Variants in COLEC12 observed in about 807,000 individuals in gnomAD.
The protein encoded by COLEC12 is collectin subfamily member 12.
Under a neutral mutation model 71.1 loss-of-function variants are expected in COLEC12, and 33 were observed. The ratio of observed to expected loss-of-function variants is 0.46; its 90% CI spans 0.35 to 0.62. The LOEUF is 0.62. Among genes scored for constraint, COLEC12 ranks in the 20% least tolerant of loss-of-function variants. The probability of loss-of-function intolerance (pLI) is 0.00; values close to 1 mark genes in which losing one functional copy is unlikely to be tolerated. For synonymous variants in COLEC12, 350 were observed against 353.0 expected (o/e 0.99, Z 0.10); for missense variants, 765 against 916.1 (o/e 0.84, Z 2.13).
intron 5 of COLEC12, among the ~76,000 whole-genome samples, chr18:337,444 T>C (rs2143446941): frequency 6.6e-6 from 1 of 152,320 alleles, no homozygotes; most frequent in South Asian, 2.1e-4. Flanking sequence ...AGCAGAAGCT[T>C]AGGCTCTGGA....
rs924714723 is a variant in COLEC12 at position 442,002 on chromosome 18, TACACACACA to T, written c.58+38696_58+38704del. ...GTGACAGAGTGAGACTCTCTCTCTC[TACACACACA>T]CACACACACACACACACACACACAC... On this transcript the variant is annotated intron_variant, in intron 2 of 9. Coordinates refer to ENST00000400256, the MANE Select transcript of COLEC12 (RefSeq NM_130386.3). 9.1e-5 allele frequency among the ~76,000 whole-genome samples: 11 copies of T among 120,808 alleles called. No individual in the cohort carries two copies. In the South Asian group the frequency reaches 2.9e-3, roughly 32 times the overall value. The allele number at this position is 120,808 out of a possible 152,430, so 79.3% of individuals were successfully genotyped here. A position where few individuals can be genotyped will look rare whatever the true frequency, so the allele number is the denominator to read the frequency against.
chr18:450,803 G>A (rs1567911556), intron 2 of COLEC12, among the ~76,000 whole-genome samples: 1 of 152,226 alleles, frequency 6.6e-6, no homozygotes, highest in Non-Finnish European at 1.5e-5. Context: ...ACTTCCTATA[G>A]ACTTGTTAAA....
chr18:332,002 G>A (rs1017397854), intron 7 of COLEC12, among the ~76,000 whole-genome samples: 7 of 152,188 alleles, frequency 4.6e-5, no homozygotes, highest in African/African-American at 1.7e-4. Context: ...GGATGTTAAA[G>A]TGAGGCTCTT....
At chr18:412,196 G>T (rs1027443363) in intron 2 of COLEC12, among the ~76,000 whole-genome samples, 49 of 152,064 alleles carry the variant, frequency 3.2e-4, no homozygotes, top group African/African-American at 1.1e-3. Context: ...AAAGGACAAA[G>T]AAAACATTTT....
At chr18:420,671 G>GA (rs1256796559) in intron 2 of COLEC12, among the ~76,000 whole-genome samples, 5 of 152,176 alleles carry the variant, frequency 3.3e-5, no homozygotes, top group African/African-American at 1.2e-4. Flanking sequence ...CAAGAGAGGT[G>GA]ACTGAGAAAG....
intron 2 of COLEC12, among the ~76,000 whole-genome samples, chr18:374,605 T>A (rs1213760578): frequency 6.6e-6 from 1 of 152,160 alleles, no homozygotes; most frequent in Non-Finnish European, 1.5e-5. Flanking sequence ...TATCCTAATT[T>A]TTCCCACCAG....
chr18:405,610 T>G (rs1915769327), intron 2 of COLEC12, among the ~76,000 whole-genome samples: 1 of 152,190 alleles, frequency 6.6e-6, no homozygotes. Flanking sequence ...TGGGGCTGTA[T>G]AAGCTGAATG....
At chr18:456,541 C>T (rs924794577) in intron 2 of COLEC12, among the ~76,000 whole-genome samples, 2 of 152,310 alleles carry the variant, frequency 1.3e-5, no homozygotes, top group South Asian at 2.1e-4. Flanking sequence ...GCGTTACCGA[C>T]GATCTGTTCA....
chr18:413,680 C>A lies in COLEC12; in HGVS notation c.59-56158G>T, dbSNP rs529834959. Among the ~76,000 whole-genome samples the A allele has an allele frequency of 5.3e-5, 8 of 152,280 alleles. No homozygotes were observed. The South Asian group carries it at 1.0e-3, about 20-fold the overall frequency. Reference sequence around the variant, plus strand: ...CTCTATAAAAAATTTAAAAAAGCATCTGTACGTGAATGTTTACAGCAGTTT... The same window carrying A: ...CTCTATAAAAAATTTAAAAAAGCATATGTACGTGAATGTTTACAGCAGTTT... On this transcript the variant is annotated intron_variant, in intron 2 of 9. Transcript: ENST00000400256.
chr18:436,145 TCTGCTC>T (rs1424240499), intron 2 of COLEC12, among the ~76,000 whole-genome samples: 2 of 152,224 alleles, frequency 1.3e-5, no homozygotes, highest in Non-Finnish European at 2.9e-5. Context: ...TGATTAAAAT[TCTGCTC>T]ACATAGGCCC....
At chr18:446,315 CCCCT>C (rs1916649310) in intron 2 of COLEC12, among the ~76,000 whole-genome samples, 1 of 152,114 alleles carries the variant, frequency 6.6e-6, no homozygotes, top group South Asian at 2.1e-4. Flanking sequence ...CAAACACACA[CCCCT>C]AAGAGTGAAA....
rs1239787563 is a variant in COLEC12 at position 318,447 on chromosome 18, G to A, written c.*1598C>T. The stretch of plus-strand genomic sequence containing the variant: ...ATTAGACTTTCCAACAGCAAGTCAA[G>A]GAAAGTCAAGGAGCGAAAGGAAGAT... On this transcript the variant is annotated 3_prime_UTR_variant, in exon 10 of 10. Transcript: ENST00000400256. The A allele has an allele frequency of 2.0e-5, 3 of 150,980 alleles. No homozygotes were observed. Among genetic ancestry groups the A allele is most frequent in the Non-Finnish European group, 4.4e-5 (3 of 67,858 alleles). 9.4% of individuals were successfully genotyped at this position (150,980 alleles called of 1,614,324 possible).
At chr18:369,402 T>C (rs1370131780) in intron 2 of COLEC12, among the ~76,000 whole-genome samples, 1 of 94,214 alleles carries the variant, frequency 1.1e-5, no homozygotes, top group Non-Finnish European at 2.4e-5. Context: ...TTTTTATTTT[T>C]TTTTATTTTT....
At chr18:384,934 A>G (rs1380721365) in intron 2 of COLEC12, among the ~76,000 whole-genome samples, 1 of 152,254 alleles carries the variant, frequency 6.6e-6, no homozygotes, top group African/African-American at 2.4e-5. Context: ...ATATCACCAT[A>G]CAGTTCATGA....
Position 327,508 on chromosome 18 carries a change from T to C in COLEC12, c.2063+4160A>G, listed in dbSNP as rs1264165384. On this transcript the variant is annotated intron_variant, in intron 8 of 9. Transcript: ENST00000400256. The surrounding 1 kb of genome is among the most constrained non-coding windows in gnomAD (Gnocchi z 4.0). ...GAGCCATAAGATTCAGCAAGTCAGG[T>C]TGAGTGTTTCATGGGAAATAAGCCT... Among the ~76,000 whole-genome samples the C allele has an allele frequency of 1.3e-5, 2 of 152,190 alleles. No homozygotes were observed.
intron 5 of COLEC12, among the ~76,000 whole-genome samples, chr18:345,904 GCTAGTATGTCATGGTAT>G (rs2143470031): frequency 6.6e-6 from 1 of 152,348 alleles, no homozygotes; most frequent in East Asian, 1.9e-4. Context: ...GGCTTCTGAG[GCTAGTATGTCATGGTAT>G]CTTCCTTCTT....
intron 8 of COLEC12, among the ~76,000 whole-genome samples, chr18:322,925 A>T (rs1231028187): frequency 1.3e-5 from 2 of 151,966 alleles, no homozygotes; most frequent in Admixed American, 6.6e-5. Flanking sequence ...TTTGGGATTT[A>T]AAAAAAATGA....
intron 3 of COLEC12, among the ~76,000 whole-genome samples, chr18:350,568 T>C (rs1914491671): frequency 6.6e-6 from 1 of 152,188 alleles, no homozygotes; most frequent in Non-Finnish European, 1.5e-5. Flanking sequence ...GTGATTTATG[T>C]GAGATACAGC....
chr18:340,731 C>T (rs1211577824), intron 5 of COLEC12, among the ~76,000 whole-genome samples: 2 of 152,206 alleles, frequency 1.3e-5, no homozygotes, highest in African/African-American at 4.8e-5. Context: ...CAATCTGATA[C>T]GTTTTTCTTC....
Sources: allele counts gnomAD v4.1 joint callset (sites outside exome capture counted in the v4.1 genomes callset), GRCh38; gene constraint gnomAD v4.1.1; non-coding constraint Gnocchi (gnomAD v3.1); transcripts MANE v1.5; gene names NCBI Gene and HGNC (gene_info 2026-07-23, HGNC 2026-07-21).